Variants in IL1RAPL2 observed in about 807,000 individuals in gnomAD.
The protein encoded by IL1RAPL2 is X-linked interleukin-1 receptor accessory protein-like 2.
Under a neutral mutation model 44.1 loss-of-function variants are expected in IL1RAPL2, and 3 were observed. The observed-to-expected ratio is 0.07, with a 90% CI of 0.03 to 0.18. The LOEUF is 0.18. Among genes scored for constraint, IL1RAPL2 ranks in the 10% least tolerant of loss-of-function variants. IL1RAPL2 has a pLI of 1.00. For synonymous variants in IL1RAPL2, 181 were observed against 178.8 expected, an observed-to-expected ratio of 1.01 and a Z score of -0.10; for missense variants, 391 against 496.4, an observed-to-expected ratio of 0.79 and a Z score of 2.02.
At chrX:105,152,334 T>C (rs1326414742) in intron 2 of IL1RAPL2, among the ~76,000 whole-genome samples, 2 of 112,155 alleles carry the variant, frequency 1.8e-5, no homozygotes, top group Non-Finnish European at 3.8e-5. Flanking sequence ...GCACTGAATG[T>C]GCTCTATGGC....
chrX:105,002,279 A>G (rs1320571847), intron 2 of IL1RAPL2, among the ~76,000 whole-genome samples: 1 of 111,460 alleles, frequency 9.0e-6, no homozygotes, highest in Non-Finnish European at 1.9e-5. Flanking sequence ...GAGACAGGAA[A>G]ATATAACAGA....
intron 1 of IL1RAPL2, among the ~76,000 whole-genome samples, chrX:104,644,161 T>A (rs1375567593): frequency 9.0e-6 from 1 of 111,715 alleles, no homozygotes; most frequent in Non-Finnish European, 1.9e-5. Context: ...GTTACATATG[T>A]ATACATATTA....
At chrX:105,120,349 G>T (rs1257109949) in intron 2 of IL1RAPL2, among the ~76,000 whole-genome samples, 2 of 110,220 alleles carry the variant, frequency 1.8e-5, no homozygotes, top group African/African-American at 3.3e-5. Flanking sequence ...AGTTATTTTA[G>T]TACTTTTAGA....
intron 5 of IL1RAPL2, among the ~76,000 whole-genome samples, chrX:105,369,626 T>C (rs1379567537): frequency 1.8e-5 from 2 of 111,547 alleles, no homozygotes. Flanking sequence ...ATTTTGAACC[T>C]GGGGAGATAG....
intron 2 of IL1RAPL2, among the ~76,000 whole-genome samples, chrX:105,057,420 C>T (rs1319715697): frequency 8.9e-6 from 1 of 111,900 alleles, no homozygotes; most frequent in African/African-American, 3.2e-5. Context: ...TGAGAATGGT[C>T]AGGCTTTAGC....
At chrX:105,141,881 G>A (rs2033128643) in intron 2 of IL1RAPL2, among the ~76,000 whole-genome samples, 1 of 111,928 alleles carries the variant, frequency 8.9e-6, no homozygotes, top group East Asian at 2.8e-4. Flanking sequence ...ATTCTGTCTT[G>A]TTGGAAATAC....
chrX:105,407,341 A>G (rs2035654690), intron 5 of IL1RAPL2, among the ~76,000 whole-genome samples: 1 of 110,955 alleles, frequency 9.0e-6, no homozygotes, highest in Non-Finnish European at 1.9e-5. Flanking sequence ...CAGGAATAGT[A>G]TCTATTATAT....
At chrX:104,856,095 A>C (rs1922358325) in intron 2 of IL1RAPL2, among the ~76,000 whole-genome samples, 1 of 111,719 alleles carries the variant, frequency 9.0e-6, no homozygotes, top group South Asian at 3.8e-4. Flanking sequence ...AGCACTCAGC[A>C]TGGTAATGTA....
intron 2 of IL1RAPL2, among the ~76,000 whole-genome samples, chrX:105,071,258 TAAAG>T (rs1291737438): frequency 3.6e-5 from 4 of 111,051 alleles, no homozygotes; most frequent in Admixed American, 1.9e-4. Flanking sequence ...CTGAAAAAGA[TAAAG>T]AAAATAATCC....
intron 8 of IL1RAPL2, among the ~76,000 whole-genome samples, chrX:105,742,121 T>C (rs1269372608): frequency 1.8e-5 from 2 of 111,289 alleles, no homozygotes; most frequent in African/African-American, 6.5e-5. Flanking sequence ...AGATATCAAC[T>C]TGAGCAGTGT....
chrX:105,430,530 C>A (rs930211132), intron 5 of IL1RAPL2, among the ~76,000 whole-genome samples: 11 of 111,575 alleles, frequency 9.9e-5, no homozygotes, highest in African/African-American at 3.6e-4. Flanking sequence ...AATAGAGTTA[C>A]ATAATACACA....
intron 2 of IL1RAPL2, among the ~76,000 whole-genome samples, chrX:104,875,940 T>C (rs963522591): frequency 1.8e-5 from 2 of 110,951 alleles, no homozygotes; most frequent in Non-Finnish European, 3.8e-5. Flanking sequence ...TTTTTTTCTC[T>C]AGAGAGGCCT....
At chrX:105,046,836 TGGG>T (rs1556036882) in intron 2 of IL1RAPL2, among the ~76,000 whole-genome samples, 7 of 99,389 alleles carry the variant, frequency 7.0e-5, no homozygotes, top group South Asian at 4.5e-4. Context: ...TTTTTTTTTT[TGGG>T]GGGGTGCTAG....
At chrX:105,126,726 C>G (rs1295298240) in intron 2 of IL1RAPL2, among the ~76,000 whole-genome samples, 1 of 111,186 alleles carries the variant, frequency 9.0e-6, no homozygotes, top group African/African-American at 3.3e-5. Flanking sequence ...AAACCATTCT[C>G]TTTATCTTAG....
intron 6 of IL1RAPL2, among the ~76,000 whole-genome samples, chrX:105,551,896 G>A (rs2036859377): frequency 9.0e-6 from 1 of 111,165 alleles, no homozygotes; most frequent in African/African-American, 3.3e-5. Flanking sequence ...ACAAGGTCAG[G>A]AGATCGAGAC....
chrX:105,318,203 G>C (rs1050720195), intron 5 of IL1RAPL2, among the ~76,000 whole-genome samples: 1 of 110,925 alleles, frequency 9.0e-6, no homozygotes, highest in African/African-American at 3.3e-5. Context: ...TGGATCTGCT[G>C]ACCTCGTGAT....
intron 6 of IL1RAPL2, among the ~76,000 whole-genome samples, chrX:105,604,893 C>A (rs183663152): frequency 7.6e-4 from 84 of 110,821 alleles, no homozygotes; most frequent in African/African-American, 2.7e-3. Context: ...ATATGATCAC[C>A]TCAGTAGGTG....
chrX:105,107,544 T>A (rs1175229015), intron 2 of IL1RAPL2, among the ~76,000 whole-genome samples: 2 of 111,902 alleles, frequency 1.8e-5, no homozygotes, highest in Non-Finnish European at 3.8e-5. Flanking sequence ...CAAAGCAATT[T>A]TGTGATTAAC....
At chrX:104,913,810 TTTC>T (rs1022338507) in intron 2 of IL1RAPL2, among the ~76,000 whole-genome samples, 2 of 112,017 alleles carry the variant, frequency 1.8e-5, no homozygotes, top group Non-Finnish European at 3.8e-5. Flanking sequence ...AGTAACCACA[TTTC>T]TTCTTTAAAA....
Sources: allele counts gnomAD v4.1 joint callset (sites outside exome capture counted in the v4.1 genomes callset), GRCh38; gene constraint gnomAD v4.1.1; transcripts MANE v1.5; gene names NCBI Gene and HGNC (gene_info 2026-07-23, HGNC 2026-07-21).